The following DOK7 variants were observed in gnomAD, a reference collection of about 807,000 sequenced individuals.
DOK7 encodes docking protein 7, also known as protein Dok-7.
Under a neutral mutation model 30.7 loss-of-function variants are expected in DOK7, and 32 were observed. That is an observed-to-expected ratio of 1.04 (90% confidence interval 0.79 to 1.40). DOK7 has a LOEUF of 1.40. Among genes scored for constraint, DOK7 ranks in the 40% most tolerant of loss-of-function variants. The pLI is 0.00. For synonymous variants in DOK7, 447 were observed against 324.1 expected, an observed-to-expected ratio of 1.38 and a Z score of -4.07; for missense variants, 1,007 against 699.2, an observed-to-expected ratio of 1.44 and a Z score of -4.97.
intron 2 of DOK7, among the ~76,000 whole-genome samples, chr4:3,470,049 T>C (rs1241794656): frequency 6.7e-6 from 1 of 148,914 alleles, no homozygotes; most frequent in East Asian, 1.9e-4. Context: ...CACTGAGTCC[T>C]GGGAGTTAGA....
Position 3,473,647 on chromosome 4 carries a change from G to C in DOK7, c.331+11G>C, listed in dbSNP as rs1726903905. 3 of 1,535,224 alleles carry C rather than the reference G, an allele frequency of 2.0e-6. No individual in the cohort carries two copies. Among genetic ancestry groups the C allele is most frequent in the African/African-American group, 1.4e-5 (1 of 73,126 alleles). ...ATGCGCTCGGCGAGGGTGAGTGACG[G>C]GGGCCGGGGCCGGGCGGGGGCTCCC... On this transcript the variant is annotated intron_variant, in intron 3 of 6. Coordinates refer to ENST00000340083, the MANE Select transcript of DOK7 (RefSeq NM_173660.5).
At chr4:3,475,632 C>A (rs574125283) in intron 3 of DOK7, among the ~76,000 whole-genome samples, 2 of 152,134 alleles carry the variant, frequency 1.3e-5, no homozygotes, top group African/African-American at 4.8e-5. Context: ...GAGAGAGGGC[C>A]GGTGGTGCCC....
At chr4:3,467,891 G>A (rs1726402281) in intron 2 of DOK7, among the ~76,000 whole-genome samples, 1 of 152,112 alleles carries the variant, frequency 6.6e-6, no homozygotes, top group Admixed American at 6.5e-5. Flanking sequence ...TGGTGTAGGG[G>A]GAGGAAGCGC....
At chr4:3,489,892 C>G in intron 6 of DOK7, 96 bp downstream of exon 6, 3 of 1,497,524 alleles carry the variant, frequency 2.0e-6, no homozygotes, top group African/African-American at 1.4e-5. Flanking sequence ...GCTGCAGGCT[C>G]CCTCTGCTCA....
At chr4:3,488,600 G>A (rs1727962938) in intron 5 of DOK7, among the ~76,000 whole-genome samples, 1 of 152,212 alleles carries the variant, frequency 6.6e-6, no homozygotes, top group Non-Finnish European at 1.5e-5. Context: ...GGTCCTCTGT[G>A]CGCTGCAGAA....
At position 3,493,635 on chromosome 4, in the gene DOK7, A is replaced by T. The variant is rs1728701001; in HGVS notation, c.*134A>T. Reference sequence around the variant, plus strand: ...GGACCGGGGGTCTCCCGGAGAGGGGAGCTGGAGGGCGCGCCCTGTGGCTGC... The same window carrying T: ...GGACCGGGGGTCTCCCGGAGAGGGGTGCTGGAGGGCGCGCCCTGTGGCTGC... On this transcript the variant is annotated 3_prime_UTR_variant, in exon 7 of 7. Transcript: ENST00000340083. The T allele has an allele frequency of 2.0e-6, 3 of 1,480,842 alleles. No homozygotes were observed. The South Asian group carries it at 4.1e-5, about 20-fold the overall frequency. The allele number at this position is 1,480,842 out of a possible 1,614,324, so 91.7% of individuals were successfully genotyped here.
chr4:3,494,234 T>C lies in DOK7; in HGVS notation c.*733T>C, dbSNP rs1728760601. ...AGCTCTGCTGGCTCCTGTCTGAACC[T>C]CCTCGCAGGGCCAAAGGCTGGCTTG... On this transcript the variant is annotated 3_prime_UTR_variant, in exon 7 of 7. Coordinates refer to ENST00000340083, the MANE Select transcript of DOK7 (RefSeq NM_173660.5). 2 of 985,504 alleles carry C rather than the reference T, an allele frequency of 2.0e-6. No homozygotes were observed. The highest frequency in any genetic ancestry group is 4.7e-5 in the South Asian group (1 of 21,290). 61.0% of individuals were successfully genotyped at this position (985,504 alleles called of 1,614,324 possible). A position where few individuals can be genotyped will look rare whatever the true frequency, so the allele number is the denominator to read the frequency against.
Position 3,492,897 on chromosome 4 carries a change from C to G in DOK7, c.911C>G (p.Ala304Gly). The change falls in exon 7 of 7, where the codon GCC (alanine) becomes GGC (glycine). Residue 304 changes from alanine (A) to glycine (G), a missense_variant. Coordinates refer to ENST00000340083, the MANE Select transcript of DOK7 (RefSeq NM_173660.5). Reference sequence around the variant, plus strand: ...CAGGAGGGGCCTAGACCAGCAGCTGCCCAGGCCGCCGGGGAAGCCATGGTG... The same window carrying G: ...CAGGAGGGGCCTAGACCAGCAGCTGGCCAGGCCGCCGGGGAAGCCATGGTG... ...TSQEGPRPAA[A>G]QAAGEAMVGA... 6.3e-7 allele frequency: 1 copy of G among 1,586,454 alleles called. No individual in the cohort carries two copies. Among genetic ancestry groups the G allele is most frequent in the Non-Finnish European group, 8.6e-7 (1 of 1,169,146 alleles).
intron 6 of DOK7, among the ~76,000 whole-genome samples, chr4:3,490,457 TCA>T (rs1728242153): frequency 9.5e-6 from 1 of 104,938 alleles, no homozygotes; most frequent in Non-Finnish European, 2.0e-5. Flanking sequence ...TCCTGCTCAT[TCA>T]TTCCTTTCTT....
In DOK7 at chr4:3,463,558, G is replaced by T; in HGVS notation, c.100+7G>T. 1 of 1,517,250 alleles carries T rather than the reference G, an allele frequency of 6.6e-7. No individual in the cohort carries two copies. Among genetic ancestry groups the T allele is most frequent in the Non-Finnish European group, 8.8e-7 (1 of 1,135,590 alleles). 94.0% of individuals were successfully genotyped at this position (1,517,250 alleles called of 1,614,324 possible). A position where few individuals can be genotyped will look rare whatever the true frequency, so the allele number is the denominator to read the frequency against. ...AAGCCGTCGCCCGTGGCAGGTGAGC[G>T]GGGCGGGCGGGGGACGGGGGGCGCG... On this transcript the variant is annotated splice_region_variant and intron_variant, in intron 2 of 6. Coordinates refer to ENST00000340083, the MANE Select transcript of DOK7 (RefSeq NM_173660.5).
chr4:3,464,069 G>A (rs1007739711), intron 2 of DOK7, among the ~76,000 whole-genome samples: 9 of 151,902 alleles, frequency 5.9e-5, no homozygotes, highest in South Asian at 2.1e-4. Context: ...CCCAGTCCCC[G>A]CCCTGAGCCA....
At chr4:3,470,344 C>T (rs1189602145) in intron 2 of DOK7, among the ~76,000 whole-genome samples, 1 of 152,186 alleles carries the variant, frequency 6.6e-6, no homozygotes, top group Non-Finnish European at 1.5e-5. Context: ...GTTCCGGGGT[C>T]GGGAGTGGAC....
At chr4:3,479,680 C>T (rs977394006) in intron 4 of DOK7, among the ~76,000 whole-genome samples, 1 of 152,222 alleles carries the variant, frequency 6.6e-6, no homozygotes, top group Admixed American at 6.5e-5. Flanking sequence ...CATCCTGAGA[C>T]ACTGGGCGTG....
intron 2 of DOK7, 69 bp from the exon 3 acceptor site, chr4:3,473,337 T>C (rs2109335641): frequency 6.6e-7 from 1 of 1,524,962 alleles, no homozygotes; most frequent in Non-Finnish European, 9.0e-7. Flanking sequence ...TGTCACGGCC[T>C]CCCCGGGGAC....
At chr4:3,468,552 CTGTG>C (rs546684327) in intron 2 of DOK7, among the ~76,000 whole-genome samples, 1 of 113,484 alleles carries the variant, frequency 8.8e-6, no homozygotes, top group African/African-American at 3.7e-5. Flanking sequence ...GTGTGTGTGC[CTGTG>C]TGAGCATGTA....
chr4:3,490,991 T>G lies in DOK7; in HGVS notation c.772+1195T>G, dbSNP rs189183753. Among the ~76,000 whole-genome samples the G allele has an allele frequency of 6.2e-3, 589 of 94,962 alleles. 7 individuals carry two copies. Among genetic ancestry groups the G allele is most frequent in the Non-Finnish European group, 0.011 (468 of 41,890 alleles). 62.3% of individuals were successfully genotyped at this position (94,962 alleles called of 152,430 possible). A position where few individuals can be genotyped will look rare whatever the true frequency, so the allele number is the denominator to read the frequency against. On this transcript the variant is annotated intron_variant, in intron 6 of 6. Transcript: ENST00000340083. ...ATTTCTTCATTTCCCTCCTGCTCAT[T>G]CATTCCTTCCTTCTTCTTCCTGCTC...
chr4:3,492,589 GGTT>G (rs958505296), intron 6 of DOK7, among the ~76,000 whole-genome samples, 167 bp from the exon 7 acceptor site: 7 of 152,122 alleles, frequency 4.6e-5, no homozygotes, highest in South Asian at 4.1e-4. Flanking sequence ...GGGGTAGAGG[GGTT>G]GTTGTTGGTG....
chr4:3,493,789 G>T lies in DOK7; in HGVS notation c.*288G>T. 7.3e-7 allele frequency: 1 copy of T among 1,362,768 alleles called. No homozygotes were observed. 84.4% of individuals were successfully genotyped at this position (1,362,768 alleles called of 1,614,324 possible). A position where few individuals can be genotyped will look rare whatever the true frequency, so the allele number is the denominator to read the frequency against. On this transcript the variant is annotated 3_prime_UTR_variant, in exon 7 of 7. Transcript: ENST00000340083. ...CCGTGTCCCCCACCCCTGAGGATCA[G>T]GTGAGTGCTGCACCTCTGTTGGCTC...
At chr4:3,491,694 T>C (rs956111422) in intron 6 of DOK7, among the ~76,000 whole-genome samples, 2 of 152,198 alleles carry the variant, frequency 1.3e-5, no homozygotes, top group Non-Finnish European at 2.9e-5. Flanking sequence ...AGGCCCTGCA[T>C]GTTGGTTTTA....
Sources: gnomAD v4.1 joint callset for allele counts (sites outside exome capture counted in the v4.1 genomes callset) on GRCh38, gnomAD v4.1.1 for gene constraint, MANE v1.5 for transcripts, NCBI Gene and HGNC (gene_info 2026-07-23, HGNC 2026-07-21) for gene names.